ARID5B: variants seen among roughly 807,000 people sequenced by gnomAD.
ARID5B encodes the protein AT-rich interactive domain-containing protein 5B.
In ARID5B, 13 loss-of-function variants were observed where a neutral mutation model predicts 97.2. The observed-to-expected ratio is 0.13, with a 90% CI of 0.09 to 0.21. ARID5B has a LOEUF of 0.21. Among genes scored for constraint, ARID5B ranks in the 10% least tolerant of loss-of-function variants. The pLI is 1.00. For synonymous variants in ARID5B, 556 were observed against 570.3 expected, an observed-to-expected ratio of 0.97 and a Z score of 0.36; for missense variants, 1,210 against 1,465.3, an observed-to-expected ratio of 0.83 and a Z score of 2.84.
chr10:62,080,022 A>G (rs1220016279), intron 8 of ARID5B, among the ~76,000 whole-genome samples: 2 of 152,108 alleles, frequency 1.3e-5, no homozygotes, highest in Non-Finnish European at 2.9e-5. Flanking sequence ...TGGCTTTGGT[A>G]GCTCTTGGGC....
At chr10:61,930,722 A>AAATAAATAAATAAATAAAT (rs1844193528) in intron 2 of ARID5B, among the ~76,000 whole-genome samples, 3 of 140,358 alleles carry the variant, frequency 2.1e-5, no homozygotes, top group Non-Finnish European at 4.6e-5. Flanking sequence ...TCCGCCTCAA[A>AAATAAATAAATAAATAAAT]AAATAAATAA....
At chr10:61,953,355 A>C (rs1471661085) in intron 3 of ARID5B, among the ~76,000 whole-genome samples, 5 of 152,184 alleles carry the variant, frequency 3.3e-5, no homozygotes, top group Non-Finnish European at 7.4e-5. Flanking sequence ...GCAGAGAAAA[A>C]CCTATAGTTA....
At chr10:62,075,670 G>C (rs1352391686) in intron 8 of ARID5B, among the ~76,000 whole-genome samples, 1 of 152,202 alleles carries the variant, frequency 6.6e-6, no homozygotes, top group Non-Finnish European at 1.5e-5. Context: ...AAGCCTCAGA[G>C]CGTCAGTAAT....
chr10:61,935,011 TAA>T (rs764799101), intron 2 of ARID5B, among the ~76,000 whole-genome samples: 115 of 127,006 alleles, frequency 9.1e-4, no homozygotes, highest in African/African-American at 2.5e-3. Context: ...AGACTCTGAT[TAA>T]AAAAAAAAAA....
intron 4 of ARID5B, among the ~76,000 whole-genome samples, chr10:62,025,995 A>G (rs1839416110): frequency 6.6e-6 from 1 of 152,236 alleles, no homozygotes; most frequent in South Asian, 2.1e-4. Context: ...GGGATGGATA[A>G]TAAAGAAATA....
At chr10:61,925,803 T>G (rs1456571787) in intron 2 of ARID5B, among the ~76,000 whole-genome samples, 2 of 152,192 alleles carry the variant, frequency 1.3e-5, no homozygotes, top group African/African-American at 4.8e-5. Context: ...ACATAAAATA[T>G]TTAGGATTTT....
chr10:61,988,929 TCTTTTAC>T (rs1838883583), intron 3 of ARID5B, among the ~76,000 whole-genome samples: 1 of 124,784 alleles, frequency 8.0e-6, no homozygotes. Flanking sequence ...TCTTTTTTTT[TCTTTTAC>T]TTTTTTTTTT....
chr10:61,943,182 G>T (rs1844442405), intron 3 of ARID5B, among the ~76,000 whole-genome samples: 1 of 152,180 alleles, frequency 6.6e-6, no homozygotes, highest in African/African-American at 2.4e-5. Flanking sequence ...AGTCTACATT[G>T]TCAGGATTTA....
chr10:62,008,205 A>T (rs1211658598), intron 4 of ARID5B, among the ~76,000 whole-genome samples: 1 of 152,154 alleles, frequency 6.6e-6, no homozygotes, highest in Non-Finnish European at 1.5e-5. Context: ...TGTAGTAAAT[A>T]TTGGTTACAT....
At chr10:62,032,764 T>C (rs560035018) in intron 4 of ARID5B, among the ~76,000 whole-genome samples, 1 of 152,258 alleles carries the variant, frequency 6.6e-6, no homozygotes, top group East Asian at 1.9e-4. Flanking sequence ...ATATTGGATG[T>C]TAGAAACAAA....
chr10:61,982,658 T>C (rs190052143), intron 3 of ARID5B, among the ~76,000 whole-genome samples: 114 of 152,328 alleles, frequency 7.5e-4, no homozygotes, highest in African/African-American at 2.6e-3. Context: ...GAAATTTGAT[T>C]GGAAGAATCT....
chr10:62,053,991 C>G (rs1839824157), intron 5 of ARID5B, among the ~76,000 whole-genome samples: 1 of 152,202 alleles, frequency 6.6e-6, no homozygotes. Context: ...GCACATCTTA[C>G]TGCCCCAGTT....
chr10:62,093,035 A>C lies in ARID5B; in HGVS notation c.*5A>C, dbSNP rs1195531250. ...CACCCCAGTACAAAACTGTAGGCTC[A>C]GCTCTGCCCAGCAGTCCAAAGCGGC... On this transcript the variant is annotated 3_prime_UTR_variant, in exon 10 of 10. Transcript: ENST00000279873. 1 of 1,597,510 alleles carries C rather than the reference A, an allele frequency of 6.3e-7. No homozygotes were observed. Among genetic ancestry groups the C allele is most frequent in the Non-Finnish European group, 8.5e-7 (1 of 1,175,012 alleles).
chr10:61,957,891 A>G (rs1179639637), intron 3 of ARID5B, among the ~76,000 whole-genome samples: 3 of 152,196 alleles, frequency 2.0e-5, no homozygotes, highest in Admixed American at 6.5e-5. Context: ...AAGTAGAATC[A>G]CCATTTCATG....
At chr10:61,916,914 T>C (rs1843916920) in intron 2 of ARID5B, among the ~76,000 whole-genome samples, 1 of 152,124 alleles carries the variant, frequency 6.6e-6, no homozygotes, top group Non-Finnish European at 1.5e-5. Flanking sequence ...GTCAGGCAGA[T>C]AAGATCAATG....
chr10:61,929,310 G>C (rs746979776), intron 2 of ARID5B, among the ~76,000 whole-genome samples: 1 of 152,174 alleles, frequency 6.6e-6, no homozygotes, highest in Non-Finnish European at 1.5e-5. Flanking sequence ...ACTGAGGTGA[G>C]TATGCCATGC....
At chr10:61,996,950 C>T (rs986562547) in intron 3 of ARID5B, among the ~76,000 whole-genome samples, 16 of 151,514 alleles carry the variant, frequency 1.1e-4, no homozygotes, top group Admixed American at 3.9e-4. Context: ...TTTAAGTCTT[C>T]GCAAAAAAGT....
chr10:61,902,059 T>C, intron 1 of ARID5B, 100 bp from the exon 2 acceptor site: 8 of 1,424,804 alleles, frequency 5.6e-6, no homozygotes, highest in Non-Finnish European at 6.8e-6. Flanking sequence ...GGGTCGTCTG[T>C]ATTAAGAGAG....
chr10:62,083,609 G>A (rs982501432), intron 8 of ARID5B, among the ~76,000 whole-genome samples: 3 of 152,148 alleles, frequency 2.0e-5, no homozygotes, highest in African/African-American at 7.2e-5. Flanking sequence ...GGGAAGGGTG[G>A]TACCAGCAAA....
Sources: gnomAD v4.1 joint callset for allele counts (sites outside exome capture counted in the v4.1 genomes callset) on GRCh38, gnomAD v4.1.1 for gene constraint, MANE v1.5 for transcripts, NCBI Gene and HGNC (gene_info 2026-07-23, HGNC 2026-07-21) for gene names.